Variants in DNAH10 observed in about 807,000 individuals in gnomAD.
The protein encoded by DNAH10 is axonemal beta dynein heavy chain 10.
DNAH10 carries 348 observed loss-of-function variants against 506.6 expected under a neutral mutation model. The observed-to-expected ratio is 0.69, with a 90% CI of 0.63 to 0.75. The LOEUF is 0.75. Among genes scored for constraint, DNAH10 ranks in the 30% least tolerant of loss-of-function variants. The pLI, the probability that DNAH10 is intolerant of heterozygous loss-of-function variation, is 0.00. For missense variants in DNAH10, 5,179 were observed against 5,787.1 expected (o/e 0.89, Z 3.41); for synonymous variants, 2,059 against 2,198.6 (o/e 0.94, Z 1.78).
intron 11 of DNAH10, among the ~76,000 whole-genome samples, chr12:123,791,758 A>C (rs1442306155): frequency 6.6e-6 from 1 of 152,014 alleles, no homozygotes; most frequent in East Asian, 1.9e-4. Flanking sequence ...TTAAGTAGAG[A>C]TGAGGTCTCA....
chr12:123,819,234 T>C lies in DNAH10; in HGVS notation c.3984T>C (p.Gly1328=). Residue 1328 remains glycine, a synonymous_variant, in exon 23 of 79, where the codon GGT becomes GGC. Transcript: ENST00000673944. ...ACAGTGAAGGCCCTGGTTCTGTTGG[T>C]GATGATCTTGATAAAGGTAAGAATG... The part of the protein sequence containing the change: ...RFYSEGPGSV[G]DDLDKGVELL... The C allele has an allele frequency of 1.2e-6, 2 of 1,612,358 alleles. No homozygotes were observed. Among genetic ancestry groups the C allele is most frequent in the Middle Eastern group, 1.6e-4 (1 of 6,062 alleles).
chr12:123,847,218 T>TTATCTATCTATC (rs61214034), intron 32 of DNAH10, among the ~76,000 whole-genome samples: 1,552 of 142,804 alleles, frequency 0.011, 9 homozygotes, highest in Non-Finnish European at 0.012. Flanking sequence ...ATCCATCCTA[T>TTATCTATCTATC]TATCTATCTA....
chr12:123,925,025 A>T lies in DNAH10; in HGVS notation c.11767-25A>T. On this transcript the variant is annotated intron_variant, in intron 67 of 78. Coordinates refer to ENST00000673944, the MANE Select transcript of DNAH10 (RefSeq NM_001372106.1). This position sits in a 1 kb window ranked among gnomAD's most constrained non-coding sequence, Gnocchi z 4.0. ...CTATGTCATTTCTGAGTTGACGCAC[A>T]ATGAATATTCTTTGCTTTTCCCAGT... 6.2e-7 allele frequency: 1 copy of T among 1,612,568 alleles called. No homozygotes were observed.
chr12:123,801,809 C>T (rs1389576000), intron 16 of DNAH10, among the ~76,000 whole-genome samples: 1 of 150,060 alleles, frequency 6.7e-6, no homozygotes, highest in East Asian at 1.9e-4. Flanking sequence ...TCTTGCAAAA[C>T]TAGTTAAGAT....
At chr12:123,834,702 C>A (rs1357680634) in intron 27 of DNAH10, among the ~76,000 whole-genome samples, 1 of 152,228 alleles carries the variant, frequency 6.6e-6, no homozygotes, top group African/African-American at 2.4e-5. Flanking sequence ...CAGCACCTGG[C>A]AACCTCCAGT....
At chr12:123,810,152 T>C (rs1263197213) in intron 19 of DNAH10, among the ~76,000 whole-genome samples, 1 of 152,210 alleles carries the variant, frequency 6.6e-6, no homozygotes, top group Non-Finnish European at 1.5e-5. Flanking sequence ...ACATAGTTGG[T>C]TCTCAGTAAA....
At chr12:123,844,750 C>T (rs1005819844) in intron 30 of DNAH10, among the ~76,000 whole-genome samples, 2 of 152,106 alleles carry the variant, frequency 1.3e-5, no homozygotes, top group African/African-American at 4.8e-5. Flanking sequence ...GCAATCCTCC[C>T]ACCTCAGCCT....
intron 56 of DNAH10, 97 bp downstream of exon 56, chr12:123,898,911 C>T (rs1272582775): frequency 2.1e-6 from 3 of 1,439,782 alleles, no homozygotes; most frequent in Non-Finnish European, 2.7e-6. Flanking sequence ...CCGAGCAGGA[C>T]AGGGCTCTGC....
At position 123,875,371 on chromosome 12, in the gene DNAH10, AG is replaced by A. The variant is rs1337100570; in HGVS notation, c.8081del (p.Gly2694GlufsTer29). 6.2e-7 allele frequency: 1 copy of A among 1,613,924 alleles called. No homozygotes were observed. The highest frequency in any genetic ancestry group is 1.3e-5 in the African/African-American group (1 of 74,940). Reference sequence around the variant, plus strand: ...TTATTGCTGCAATGGGAAAGGCTGGAGGAGGCCGCAATGAAGTTGACCCAAG... The same window carrying A: ...TTATTGCTGCAATGGGAAAGGCTGGAGAGGCCGCAATGAAGTTGACCCAAG... ...GFIAAMGKAG[G>X]GRNEVDPRFI... On this transcript the variant is annotated frameshift_variant, in exon 47 of 79. Coordinates refer to ENST00000673944, the MANE Select transcript of DNAH10 (RefSeq NM_001372106.1). LOFTEE classifies it high-confidence loss of function.
In DNAH10 at chr12:123,785,397, A is replaced by G. The variant is rs374576222; in HGVS notation, c.1231-349A>G. Among the ~76,000 whole-genome samples, 9 of 152,256 alleles carry G rather than the reference A, an allele frequency of 5.9e-5. No individual in the cohort carries two copies. The South Asian group carries it at 1.7e-3, about 28-fold the overall frequency. The stretch of plus-strand genomic sequence containing the variant: ...TGTTTTAATCTTTTGCCCGTTATTT[A>G]TTTGAGTTATTATTATAAGAGATTA... On this transcript the variant is annotated intron_variant, in intron 8 of 78. Coordinates refer to ENST00000673944, the MANE Select transcript of DNAH10 (RefSeq NM_001372106.1). The surrounding 1 kb of genome is among the most constrained non-coding windows in gnomAD (Gnocchi z 4.1).
At position 123,845,699 on chromosome 12, in the gene DNAH10, A is replaced by C. The variant is rs986200821; in HGVS notation, c.5460A>C (p.Lys1820Asn). ...EVEDVFHKAQ[K>N]GEKQAMKNYG... ...AAGACGTCTTCCACAAAGCGCAAAAAGGGGAGAAGCAGGCCATGAAGAACT... is the reference window on the plus strand; with the variant it reads ...AAGACGTCTTCCACAAAGCGCAAAACGGGGAGAAGCAGGCCATGAAGAACT... Residue 1820 changes from lysine to asparagine, a missense_variant, in exon 31 of 79, where the codon AAA becomes AAC. By Grantham distance (94) the Lys-to-Asn change is moderately conservative. This residue lies in a region of DNAH10 where 4,844 missense variants were observed against 5,430.5 expected (regional missense o/e 0.89). Transcript: ENST00000673944. 1.2e-6 allele frequency: 2 copies of C among 1,613,720 alleles called. No homozygotes were observed. Among genetic ancestry groups the C allele is most frequent in the African/African-American group, 2.7e-5 (2 of 74,866 alleles).
chr12:123,834,815 G>A (rs953787043), intron 27 of DNAH10, among the ~76,000 whole-genome samples: 1 of 152,216 alleles, frequency 6.6e-6, no homozygotes, highest in African/African-American at 2.4e-5. Flanking sequence ...TTAGCGTGAT[G>A]TTTTCCAGGT....
chr12:123,908,544 G>A, intron 57 of DNAH10: 1 of 456,132 alleles, frequency 2.2e-6, no homozygotes, highest in Non-Finnish European at 4.4e-6. Flanking sequence ...TTGCCTGGCA[G>A]TGGGATGCCC....
chr12:123,873,504 TG>T (rs552430414), intron 45 of DNAH10, 53 bp from the exon 46 acceptor site: 8 of 1,544,814 alleles, frequency 5.2e-6, no homozygotes, highest in Non-Finnish European at 6.1e-6. Context: ...AAATGTTTAC[TG>T]CTGCTACCCT....
Position 123,902,564 on chromosome 12 carries a change from G to A in DNAH10, c.9641-375G>A, listed in dbSNP as rs1489410453. 2.0e-5 allele frequency among the ~76,000 whole-genome samples: 3 copies of A among 152,190 alleles called. No homozygotes were observed. The highest frequency in any genetic ancestry group is 4.4e-5 in the Non-Finnish European group (3 of 68,030). On this transcript the variant is annotated intron_variant, in intron 56 of 78. Transcript: ENST00000673944. This position sits in a 1 kb window ranked among gnomAD's most constrained non-coding sequence, Gnocchi z 4.5. ...GGCCCGAGTGAGCGTAGGAAGAGGC[G>A]ATGAGAGGCAGAAGGAGGAGATCGC...
At chr12:123,789,853 C>G in intron 10 of DNAH10, 74 bp from the exon 11 acceptor site, 1 of 1,379,356 alleles carries the variant, frequency 7.2e-7, no homozygotes, top group South Asian at 1.3e-5. Context: ...TCTCGATATG[C>G]TATCCATTTG....
chr12:123,860,369 A>G (rs753210501), intron 38 of DNAH10, among the ~76,000 whole-genome samples: 1 of 152,206 alleles, frequency 6.6e-6, no homozygotes, highest in African/African-American at 2.4e-5. Context: ...TAATTCATTC[A>G]TTGTAAGTTT....
chr12:123,895,087 A>G (rs1478166866), intron 54 of DNAH10, among the ~76,000 whole-genome samples: 2 of 152,330 alleles, frequency 1.3e-5, no homozygotes, highest in East Asian at 1.9e-4. Context: ...TTATGCTACA[A>G]CCGCAAAGCT....
chr12:123,772,998 C>T, intron 4 of DNAH10, 56 bp downstream of exon 4: 3 of 1,155,920 alleles, frequency 2.6e-6, no homozygotes, highest in Non-Finnish European at 2.5e-6. Flanking sequence ...GTTGTGCATG[C>T]ACTTGTTCAC....
Sources: allele counts gnomAD v4.1 joint callset (sites outside exome capture counted in the v4.1 genomes callset), GRCh38; gene constraint gnomAD v4.1.1; regional missense constraint gnomAD v4.1.1; non-coding constraint Gnocchi (gnomAD v3.1); transcripts MANE v1.5; gene names NCBI Gene and HGNC (gene_info 2026-07-23, HGNC 2026-07-21).